AAGAB: variants seen among roughly 807,000 people sequenced by gnomAD.
AAGAB encodes alpha- and gamma-adaptin-binding protein p34.
In AAGAB, 38 loss-of-function variants were observed where a neutral mutation model predicts 44.1. The observed-to-expected ratio is 0.86, with a 90% CI of 0.67 to 1.13. The LOEUF (loss-of-function observed/expected upper bound fraction) is 1.13. Among genes scored for constraint, AAGAB ranks in the 50% most tolerant of loss-of-function variants. AAGAB has a pLI of 0.00. For missense variants in AAGAB, 450 were observed against 373.8 expected (o/e 1.20, Z -1.68); for synonymous variants, 131 against 131.8 (o/e 0.99, Z 0.04).
At chr15:67,203,963 C>T in intron 8 of AAGAB, 81 bp downstream of exon 8, 1 of 841,952 alleles carries the variant, frequency 1.2e-6, no homozygotes, top group Non-Finnish European at 1.9e-6. Context: ...TCCAATCCAG[C>T]AGTTAACAAA....
At chr15:67,217,980 G>T (rs762634987) in intron 5 of AAGAB, among the ~76,000 whole-genome samples, 1 of 152,114 alleles carries the variant, frequency 6.6e-6, no homozygotes, top group Non-Finnish European at 1.5e-5. Flanking sequence ...ATTTATAATG[G>T]GAAAACAGAA....
chr15:67,203,456 C>A (rs903254618), intron 9 of AAGAB, 92 bp downstream of exon 9: 1 of 1,073,222 alleles, frequency 9.3e-7, no homozygotes, highest in Admixed American at 2.0e-5. Flanking sequence ...CACACTAAGA[C>A]CCTTCAGAAA....
At chr15:67,236,312 T>A (rs975053797) in intron 3 of AAGAB, 96 bp downstream of exon 3, 10 of 1,178,292 alleles carry the variant, frequency 8.5e-6, no homozygotes, top group Non-Finnish European at 1.2e-5. Context: ...TAAAGTCACA[T>A]GGGATGTATG....
At chr15:67,254,745 T>A, upstream of AAGAB, 1 of 1,349,774 alleles carries the variant, frequency 7.4e-7, no homozygotes, top group Non-Finnish European at 1.0e-6. Flanking sequence ...ATGACCAGGC[T>A]GGCCTGACCC....
At chr15:67,217,293 G>A (rs1963972637) in intron 5 of AAGAB, among the ~76,000 whole-genome samples, 1 of 152,104 alleles carries the variant, frequency 6.6e-6, no homozygotes, top group Non-Finnish European at 1.5e-5. Flanking sequence ...TAGGAAACTG[G>A]GGTCCAGAAA....
chr15:67,207,927 G>C (rs1264699436), intron 7 of AAGAB, among the ~76,000 whole-genome samples: 2 of 152,090 alleles, frequency 1.3e-5, no homozygotes, highest in Non-Finnish European at 2.9e-5. Flanking sequence ...TAAGAAAAAA[G>C]AGTTTTAAAA....
At chr15:67,203,204 A>G (rs1963607431) in intron 9 of AAGAB, among the ~76,000 whole-genome samples, 1 of 152,242 alleles carries the variant, frequency 6.6e-6, no homozygotes, top group Non-Finnish European at 1.5e-5. Flanking sequence ...ATTATGACAC[A>G]TATCAGGGAA....
At chr15:67,236,549 T>C (rs1567027477) in intron 2 of AAGAB, 45 bp from the exon 3 acceptor site, 3 of 1,605,846 alleles carry the variant, frequency 1.9e-6, no homozygotes, top group East Asian at 2.2e-5. Context: ...AGAAAAGAGA[T>C]AGTCAGACAA....
intron 4 of AAGAB, among the ~76,000 whole-genome samples, chr15:67,234,561 A>C (rs1964419348): frequency 6.6e-6 from 1 of 152,234 alleles, no homozygotes; most frequent in Non-Finnish European, 1.5e-5. Flanking sequence ...GTATTTTAAA[A>C]GTCTAGGAAG....
intron 4 of AAGAB, among the ~76,000 whole-genome samples, chr15:67,234,986 T>G (rs1964427966): frequency 6.6e-6 from 1 of 152,222 alleles, no homozygotes; most frequent in Non-Finnish European, 1.5e-5. Flanking sequence ...AGAAAAATAT[T>G]TCTTAATTCC....
chr15:67,202,722 C>A lies in AAGAB; in HGVS notation c.*99G>T, dbSNP rs1393841486. The A allele has an allele frequency of 2.6e-6, 3 of 1,133,484 alleles. No homozygotes were observed. The highest frequency in any genetic ancestry group is 4.0e-6 in the Non-Finnish European group (3 of 750,288). The allele number at this position is 1,133,484 out of a possible 1,614,324, so 70.2% of individuals were successfully genotyped here. A position where few individuals can be genotyped will look rare whatever the true frequency, so the allele number is the denominator to read the frequency against. ...CCCTATAAACAAGTCAGGCAGCCAA[C>A]ATGATAAGGGCAATTTTGGCAAAAT... On this transcript the variant is annotated 3_prime_UTR_variant, in exon 10 of 10. Transcript: ENST00000261880.
intron 5 of AAGAB, among the ~76,000 whole-genome samples, chr15:67,222,238 GCGCGCACA>G (rs71142362): frequency 0.026 from 1,174 of 45,800 alleles, 17 homozygotes; most frequent in South Asian, 0.09. Flanking sequence ...GCACGCGCGC[GCGCGCACA>G]CACACACACA....
rs139343293 is a variant in AAGAB, at chr15:67,212,312, C to T, written c.536-2768G>A. Among the ~76,000 whole-genome samples the T allele has an allele frequency of 2.3e-3, 344 of 152,070 alleles. 3 individuals carry two copies. Among genetic ancestry groups the T allele is most frequent in the African/African-American group, 8.0e-3 (333 of 41,472 alleles). On this transcript the variant is annotated intron_variant, in intron 5 of 9. Transcript: ENST00000261880. ...TGTTACATGTTCATGTATTATTTACCTATTCGAAGAGATTTTTTGAAATTT... is the reference window on the plus strand; with the variant it reads ...TGTTACATGTTCATGTATTATTTACTTATTCGAAGAGATTTTTTGAAATTT...
intron 6 of AAGAB, 107 bp downstream of exon 6, chr15:67,209,355 G>C (rs1963756367): frequency 1.0e-6 from 1 of 985,090 alleles, no homozygotes; most frequent in Non-Finnish European, 1.6e-6. Context: ...AACATTCTCT[G>C]TCACCTTTTA....
At chr15:67,222,254 A>G (rs1001298545) in intron 5 of AAGAB, among the ~76,000 whole-genome samples, 30 of 140,558 alleles carry the variant, frequency 2.1e-4, no homozygotes, top group East Asian at 4.1e-4. Context: ...ACACACACAC[A>G]CACACACACA....
intron 5 of AAGAB, among the ~76,000 whole-genome samples, chr15:67,224,585 C>CTTTTTTTTTTT (rs892410820): frequency 4.3e-5 from 6 of 138,832 alleles, no homozygotes; most frequent in South Asian, 2.3e-4. Context: ...TTTTTCTTTT[C>CTTTTTTTTTTT]TTTTTTTTTT....
chr15:67,231,289 C>T (rs1964328055), intron 5 of AAGAB, among the ~76,000 whole-genome samples: 1 of 152,218 alleles, frequency 6.6e-6, no homozygotes, highest in South Asian at 2.1e-4. Context: ...GCTTCCTTCT[C>T]CACTTGCCGT....
intron 5 of AAGAB, among the ~76,000 whole-genome samples, chr15:67,211,611 T>C (rs1963822330): frequency 6.6e-6 from 1 of 152,218 alleles, no homozygotes; most frequent in African/African-American, 2.4e-5. Flanking sequence ...TCTTATAATA[T>C]ACTTTAAGCT....
chr15:67,238,621 A>C (rs1032183333), intron 1 of AAGAB, among the ~76,000 whole-genome samples: 1 of 152,234 alleles, frequency 6.6e-6, no homozygotes. Context: ...AAAGAAACTA[A>C]AACAAGGAGC....
Sources: allele counts gnomAD v4.1 joint callset (sites outside exome capture counted in the v4.1 genomes callset), GRCh38; gene constraint gnomAD v4.1.1; transcripts MANE v1.5; gene names NCBI Gene and HGNC (gene_info 2026-07-23, HGNC 2026-07-21).